SORCS2: variants seen among roughly 807,000 people sequenced by gnomAD.
The protein encoded by SORCS2 is VPS10 domain-containing receptor SorCS2.
In SORCS2, 100 loss-of-function variants were observed where a neutral mutation model predicts 141.6. That is an observed-to-expected ratio of 0.71 (90% CI 0.60 to 0.83). The LOEUF is 0.83. Ranked by LOEUF, SORCS2 falls within the 40% of genes least tolerant of loss-of-function variation. SORCS2 has a pLI of 0.00. For synonymous variants in SORCS2, 789 were observed against 676.9 expected, an observed-to-expected ratio of 1.17 and a Z score of -2.57; for missense variants, 1,646 against 1,560.2, an observed-to-expected ratio of 1.05 and a Z score of -0.93.
chr4:7,250,243 A>AAAAGAAAGAAAG (rs34312209), intron 1 of SORCS2, among the ~76,000 whole-genome samples: 5,069 of 151,110 alleles, frequency 0.034, 276 homozygotes, highest in African/African-American at 0.12. Flanking sequence ...GCTCTGTCTA[A>AAAAGAAAGAAAG]AAAGAAAGAA....
At chr4:7,197,154 C>A (rs951605073) in intron 1 of SORCS2, among the ~76,000 whole-genome samples, 2 of 152,226 alleles carry the variant, frequency 1.3e-5, no homozygotes, top group Admixed American at 1.3e-4. Context: ...CCCATGTCTC[C>A]ACATGGTCTT....
At chr4:7,452,659 C>T (rs1277673342) in intron 2 of SORCS2, among the ~76,000 whole-genome samples, 3 of 152,224 alleles carry the variant, frequency 2.0e-5, no homozygotes, top group Non-Finnish European at 4.4e-5. Context: ...AGCCACATGC[C>T]CAGCAGCTGG....
chr4:7,718,003 T>G lies in SORCS2; in HGVS notation c.2253-9T>G. On this transcript the variant is annotated splice_polypyrimidine_tract_variant and intron_variant, in intron 17 of 26. Transcript: ENST00000507866. The stretch of plus-strand genomic sequence containing the variant: ...TGAAGCGGACCCTGACCCTCTCTTG[T>G]CAATCCAGGTACCGGAAAGTGGTGT... 2 of 1,596,532 alleles carry G rather than the reference T, an allele frequency of 1.3e-6. No individual in the cohort carries two copies. Among genetic ancestry groups the G allele is most frequent in the Non-Finnish European group, 1.7e-6 (2 of 1,170,726 alleles).
chr4:7,640,191 T>TCA (rs1439959079), intron 4 of SORCS2, among the ~76,000 whole-genome samples: 1 of 13,448 alleles, frequency 7.4e-5, no homozygotes, highest in Non-Finnish European at 2.2e-4. Flanking sequence ...AGAGCCTATG[T>TCA]GAGTGTGAGT....
chr4:7,705,785 C>T (rs989420777), intron 14 of SORCS2, among the ~76,000 whole-genome samples: 5 of 152,248 alleles, frequency 3.3e-5, no homozygotes, highest in Admixed American at 6.5e-5. Context: ...CTTCCACTGG[C>T]CCCTGAATGC....
intron 1 of SORCS2, among the ~76,000 whole-genome samples, chr4:7,284,044 C>A (rs1439931291): frequency 6.6e-6 from 1 of 152,140 alleles, no homozygotes; most frequent in Non-Finnish European, 1.5e-5. Flanking sequence ...TCTGGGGACA[C>A]CTGGAGTAAA....
At chr4:7,489,448 AC>A (rs1731188833) in intron 2 of SORCS2, among the ~76,000 whole-genome samples, 1 of 151,328 alleles carries the variant, frequency 6.6e-6, no homozygotes, top group Non-Finnish European at 1.5e-5. Context: ...GGAAGCATTT[AC>A]AATTTCAAAG....
At chr4:7,205,423 A>G (rs1424053291) in intron 1 of SORCS2, among the ~76,000 whole-genome samples, 1 of 152,264 alleles carries the variant, frequency 6.6e-6, no homozygotes, top group Non-Finnish European at 1.5e-5. Context: ...TGAAGTTATC[A>G]AAATACAGTT....
At chr4:7,455,493 T>G (rs1433315475) in intron 2 of SORCS2, among the ~76,000 whole-genome samples, 15 of 143,154 alleles carry the variant, frequency 1.0e-4, no homozygotes, top group African/African-American at 3.5e-4. Context: ...AGGCTCCGTG[T>G]TGGGGTCAGG....
intron 2 of SORCS2, 98 bp from the exon 3 acceptor site, chr4:7,531,432 G>A: frequency 1.7e-6 from 2 of 1,147,538 alleles, no homozygotes; most frequent in Non-Finnish European, 2.5e-6. Context: ...GGGGCACTCG[G>A]CCCGCACGGG....
At chr4:7,561,515 T>C (rs1714559164) in intron 3 of SORCS2, among the ~76,000 whole-genome samples, 1 of 152,086 alleles carries the variant, frequency 6.6e-6, no homozygotes, top group Admixed American at 6.5e-5. Context: ...CATCTATCCA[T>C]CCATCTACCC....
At chr4:7,740,050 C>T (rs1044373510) in intron 26 of SORCS2, 150 bp from the exon 27 acceptor site, 2 of 652,884 alleles carry the variant, frequency 3.1e-6, no homozygotes, top group Non-Finnish European at 2.8e-6. Context: ...ACCGCGGAGA[C>T]CCCCTGCACC....
intron 3 of SORCS2, among the ~76,000 whole-genome samples, chr4:7,555,378 C>G (rs1364213465): frequency 6.6e-6 from 1 of 152,234 alleles, no homozygotes; most frequent in African/African-American, 2.4e-5. Context: ...GCCATGGTCC[C>G]TACCCACCTG....
At chr4:7,384,290 G>C (rs1723158521) in intron 1 of SORCS2, among the ~76,000 whole-genome samples, 1 of 152,212 alleles carries the variant, frequency 6.6e-6, no homozygotes, top group African/African-American at 2.4e-5. Flanking sequence ...AAGGCCTGTG[G>C]GGGGACTGAA....
At chr4:7,733,461 G>T (rs375097965) in intron 24 of SORCS2, 40 bp downstream of exon 24, 26 of 1,488,614 alleles carry the variant, frequency 1.7e-5, no homozygotes, top group Middle Eastern at 4.1e-4. Context: ...GGGTGGAGGA[G>T]GCATCCGGGC....
At chr4:7,308,205 T>C (rs1434604738) in intron 1 of SORCS2, among the ~76,000 whole-genome samples, 2 of 152,114 alleles carry the variant, frequency 1.3e-5, no homozygotes, top group Admixed American at 1.3e-4. Context: ...TGCGTGAAAC[T>C]CCTTTAGGGA....
At chr4:7,372,930 G>A (rs1047342766) in intron 1 of SORCS2, among the ~76,000 whole-genome samples, 30 of 151,908 alleles carry the variant, frequency 2.0e-4, no homozygotes, top group African/African-American at 6.8e-4. Flanking sequence ...TTGGTGCAAC[G>A]CAGTCTTCCA....
At chr4:7,301,819 T>C (rs1717452054) in intron 1 of SORCS2, among the ~76,000 whole-genome samples, 1 of 152,262 alleles carries the variant, frequency 6.6e-6, no homozygotes. Context: ...TACATTCTCC[T>C]GAGCTGGAAG....
At chr4:7,672,205 A>C (rs897977079) in intron 8 of SORCS2, among the ~76,000 whole-genome samples, 1 of 152,174 alleles carries the variant, frequency 6.6e-6, no homozygotes, top group Non-Finnish European at 1.5e-5. Context: ...AGCCTCCCAA[A>C]GTGCTGGGAC....
Sources: allele counts gnomAD v4.1 joint callset (sites outside exome capture counted in the v4.1 genomes callset), GRCh38; gene constraint gnomAD v4.1.1; transcripts MANE v1.5; gene names NCBI Gene and HGNC (gene_info 2026-07-23, HGNC 2026-07-21).